Variants in HAPLN1 observed in about 807,000 individuals in gnomAD.
HAPLN1 encodes the protein Cartilage link protein.
A neutral mutation model predicts 36.5 loss-of-function variants in HAPLN1; 13 were observed. The ratio of observed to expected loss-of-function variants is 0.36; its 90% confidence interval spans 0.23 to 0.57. The LOEUF (loss-of-function observed/expected upper bound fraction) is 0.57, where lower values mean the gene tolerates loss of function less well. Among genes scored for constraint, HAPLN1 ranks in the 20% least tolerant of loss-of-function variants. The pLI, the probability that HAPLN1 is intolerant of heterozygous loss-of-function variation, is 0.83. For synonymous variants in HAPLN1, 202 were observed against 169.8 expected (o/e 1.19, Z -1.48); for missense variants, 407 against 439.7 (o/e 0.93, Z 0.66).
chr5:83,646,224 G>T (rs941168658), intron 3 of HAPLN1, among the ~76,000 whole-genome samples: 6 of 152,148 alleles, frequency 3.9e-5, no homozygotes, highest in Non-Finnish European at 7.4e-5. Context: ...GTTATTAAAA[G>T]ATAAGTAATT....
intron 1 of HAPLN1, among the ~76,000 whole-genome samples, chr5:83,697,805 T>C (rs1397641897): frequency 1.3e-5 from 2 of 152,184 alleles, no homozygotes; most frequent in Non-Finnish European, 2.9e-5. Flanking sequence ...TGACTGTCTC[T>C]TGATGTGCTA....
intron 2 of HAPLN1, among the ~76,000 whole-genome samples, chr5:83,661,545 C>T (rs965450087): frequency 2.0e-5 from 3 of 147,620 alleles, no homozygotes; most frequent in Non-Finnish European, 3.0e-5. Flanking sequence ...CCCGGGTTCA[C>T]GCCATTGTCC....
At chr5:83,662,007 C>T (rs904737854) in intron 2 of HAPLN1, among the ~76,000 whole-genome samples, 2 of 152,192 alleles carry the variant, frequency 1.3e-5, no homozygotes, top group Non-Finnish European at 2.9e-5. Context: ...TAACCTTTCT[C>T]AATTTCGGAA....
intron 2 of HAPLN1, among the ~76,000 whole-genome samples, chr5:83,667,622 TTAAA>T (rs1455037444): frequency 3.3e-5 from 5 of 152,142 alleles, no homozygotes; most frequent in Non-Finnish European, 4.4e-5. Context: ...CTCAGATAGT[TTAAA>T]TAAGTTTTAG....
rs750417955 is a variant in HAPLN1, at chr5:83,644,423, C to T, written c.715G>A (p.Gly239Arg). 6.0e-5 allele frequency: 96 copies of T among 1,601,826 alleles called. No individual in the cohort carries two copies. The highest frequency in any genetic ancestry group is 7.8e-5 in the Non-Finnish European group (92 of 1,176,284). ...CTGCTTTTATCTTTATCCCAAAATC[C>T]GTAGTTCCTGACTCCGGGCACTGTG... ...QNTVPGVRNY[G>R]FWDKDKSRYD... Residue 239 changes from glycine to arginine, a missense_variant, in exon 4 of 5, where the codon GGA (glycine) becomes AGA (arginine). Coordinates refer to ENST00000274341, the MANE Select transcript of HAPLN1 (RefSeq NM_001884.4).
chr5:83,638,544 A>G lies in HAPLN1; in HGVS notation c.*2952T>C, dbSNP rs1297509247. 6.6e-6 allele frequency: 1 copy of G among 151,972 alleles called. No homozygotes were observed. The highest frequency in any genetic ancestry group is 1.5e-5 in the Non-Finnish European group (1 of 67,916). The allele number at this position is 151,972 out of a possible 1,614,324, so 9.4% of individuals were successfully genotyped here. A position where few individuals can be genotyped will look rare whatever the true frequency, so the allele number is the denominator to read the frequency against. On this transcript the variant is annotated 3_prime_UTR_variant, in exon 5 of 5. Coordinates refer to ENST00000274341, the MANE Select transcript of HAPLN1 (RefSeq NM_001884.4). Reference sequence around the variant, plus strand: ...ATCCTCCCCTCCTTAGTGGTCAGCTACTCCATGAGACCACCATATTCTTTG... The same window carrying G: ...ATCCTCCCCTCCTTAGTGGTCAGCTGCTCCATGAGACCACCATATTCTTTG...
chr5:83,676,829 A>G (rs887846681), intron 1 of HAPLN1, among the ~76,000 whole-genome samples: 2 of 152,184 alleles, frequency 1.3e-5, no homozygotes, highest in African/African-American at 2.4e-5. Flanking sequence ...TCACAGCCTT[A>G]CAAATCTTAA....
intron 4 of HAPLN1, 47 bp downstream of exon 4, chr5:83,644,316 G>A (rs1749787278): frequency 1.5e-6 from 2 of 1,361,036 alleles, no homozygotes; most frequent in South Asian, 1.7e-5. Flanking sequence ...TTATAGTATG[G>A]AATAGTCTGT....
At chr5:83,702,924 C>A (rs759791729) in intron 1 of HAPLN1, among the ~76,000 whole-genome samples, 2 of 152,152 alleles carry the variant, frequency 1.3e-5, no homozygotes, top group Non-Finnish European at 2.9e-5. Flanking sequence ...GTTGGCCAGG[C>A]TGGTCTTGAA....
intron 1 of HAPLN1, among the ~76,000 whole-genome samples, chr5:83,694,305 T>C (rs999545474): frequency 6.6e-6 from 1 of 151,988 alleles, no homozygotes; most frequent in Admixed American, 6.6e-5. Context: ...ATACTTAGTT[T>C]AGAAAGTATT....
chr5:83,666,745 C>A (rs1750563175), intron 2 of HAPLN1, among the ~76,000 whole-genome samples: 2 of 151,954 alleles, frequency 1.3e-5, no homozygotes, highest in Non-Finnish European at 2.9e-5. Context: ...ACATTTCCAC[C>A]TTTATTTAAC....
intron 1 of HAPLN1, among the ~76,000 whole-genome samples, chr5:83,690,662 T>C (rs1751247839): frequency 6.6e-6 from 1 of 152,162 alleles, no homozygotes; most frequent in Admixed American, 6.6e-5. Flanking sequence ...CTTTCCATTT[T>C]TATCTGCTAA....
chr5:83,650,311 A>G (rs1045073579), intron 3 of HAPLN1, among the ~76,000 whole-genome samples: 2 of 152,230 alleles, frequency 1.3e-5, no homozygotes, highest in Non-Finnish European at 1.5e-5. Flanking sequence ...TTGACTGAAC[A>G]TGAACAAAAT....
intron 3 of HAPLN1, among the ~76,000 whole-genome samples, chr5:83,649,741 G>T (rs1749999273): frequency 6.6e-6 from 1 of 152,180 alleles, no homozygotes; most frequent in Admixed American, 6.5e-5. Flanking sequence ...GAACCACCAT[G>T]CCCGGCCGTG....
At chr5:83,669,194 T>TCA (rs1470609944) in intron 2 of HAPLN1, among the ~76,000 whole-genome samples, 1 of 152,046 alleles carries the variant, frequency 6.6e-6, no homozygotes, top group Non-Finnish European at 1.5e-5. Context: ...GTAAAAATGG[T>TCA]CAGATAATAT....
At chr5:83,689,223 G>A (rs186048541) in intron 1 of HAPLN1, among the ~76,000 whole-genome samples, 4 of 152,188 alleles carry the variant, frequency 2.6e-5, no homozygotes, top group African/African-American at 4.8e-5. Flanking sequence ...GGTGAGGAGC[G>A]TTAGGGATCG....
At chr5:83,679,298 T>C (rs766450312) in intron 1 of HAPLN1, among the ~76,000 whole-genome samples, 8 of 152,204 alleles carry the variant, frequency 5.3e-5, no homozygotes, top group Non-Finnish European at 7.3e-5. Context: ...ATCTCAATCA[T>C]GAATTTGTAC....
intron 1 of HAPLN1, chr5:83,682,374 A>T (rs1311326443): frequency 6.6e-6 from 1 of 152,214 alleles, no homozygotes; most frequent in Non-Finnish European, 1.5e-5. Context: ...GAAGATTTTT[A>T]AATATGTGTC....
chr5:83,707,641 A>T (rs112068396), intron 1 of HAPLN1, among the ~76,000 whole-genome samples: 34 of 152,342 alleles, frequency 2.2e-4, no homozygotes, highest in African/African-American at 7.9e-4. Flanking sequence ...CTGGAAGATA[A>T]TCGAGGCAAT....
Sources: allele counts gnomAD v4.1 joint callset (sites outside exome capture counted in the v4.1 genomes callset), GRCh38; gene constraint gnomAD v4.1.1; transcripts MANE v1.5; gene names NCBI Gene and HGNC (gene_info 2026-07-23, HGNC 2026-07-21).